Variants in PPFIA2 observed in about 807,000 individuals in gnomAD.
PPFIA2 encodes liprin-alpha-2.
In PPFIA2, 46 loss-of-function variants were observed where a neutral mutation model predicts 175.5. The observed-to-expected ratio is 0.26, with a 90% CI of 0.21 to 0.34. The LOEUF is 0.34. PPFIA2 is among the 10% of genes least tolerant of loss of function. The pLI, the probability that PPFIA2 is intolerant of heterozygous loss-of-function variation, is 1.00. For missense variants in PPFIA2, 1,179 were observed against 1,506.1 expected (o/e 0.78, Z 3.60); for synonymous variants, 568 against 511.4 (o/e 1.11, Z -1.49).
intron 4 of PPFIA2, among the ~76,000 whole-genome samples, chr12:81,581,593 C>T (rs1278892389): frequency 6.6e-6 from 1 of 151,778 alleles, no homozygotes; most frequent in Non-Finnish European, 1.5e-5. Context: ...TATACATCAT[C>T]CTATTTATTT....
intron 22 of PPFIA2, among the ~76,000 whole-genome samples, chr12:81,309,055 G>C (rs1326119288): frequency 6.6e-6 from 1 of 152,056 alleles, no homozygotes; most frequent in Non-Finnish European, 1.5e-5. Flanking sequence ...ACTTAATTTT[G>C]CATCACAGAA....
chr12:81,380,962 C>CTCTG (rs2037515989), intron 9 of PPFIA2, among the ~76,000 whole-genome samples: 2 of 137,502 alleles, frequency 1.5e-5, no homozygotes, highest in African/African-American at 5.5e-5. Flanking sequence ...TTTCACAGTG[C>CTCTG]TGTGTGTGTG....
intron 4 of PPFIA2, among the ~76,000 whole-genome samples, chr12:81,482,743 G>C (rs1222485111): frequency 1.3e-5 from 2 of 152,146 alleles, no homozygotes; most frequent in African/African-American, 2.4e-5. Flanking sequence ...GTCAGCCAGT[G>C]GGGGATAGGG....
At chr12:81,619,693 T>C (rs188097164) in intron 4 of PPFIA2, among the ~76,000 whole-genome samples, 24 of 152,372 alleles carry the variant, frequency 1.6e-4, no homozygotes, top group Admixed American at 5.9e-4. Context: ...CTGGAAATTT[T>C]AGAGTTTCTC....
At chr12:81,603,991 A>G (rs970615524) in intron 4 of PPFIA2, among the ~76,000 whole-genome samples, 10 of 151,742 alleles carry the variant, frequency 6.6e-5, no homozygotes, top group African/African-American at 2.4e-4. Context: ...CTTTGGGGAC[A>G]GGATTATCAG....
intron 22 of PPFIA2, among the ~76,000 whole-genome samples, chr12:81,317,813 C>G (rs570080763): frequency 6.6e-6 from 1 of 151,640 alleles, no homozygotes; most frequent in Non-Finnish European, 1.5e-5. Flanking sequence ...GTTCAGTTCT[C>G]TTCTGAATTT....
chr12:81,624,163 T>C (rs1318217539), intron 4 of PPFIA2, among the ~76,000 whole-genome samples: 1 of 151,788 alleles, frequency 6.6e-6, no homozygotes, highest in Non-Finnish European at 1.5e-5. Flanking sequence ...GTAGTTGGCA[T>C]CTATGTATAT....
At chr12:81,670,778 A>G (rs2071253386) in intron 4 of PPFIA2, among the ~76,000 whole-genome samples, 1 of 151,978 alleles carries the variant, frequency 6.6e-6, no homozygotes. Flanking sequence ...AACTCTCAAC[A>G]TCATGAAACT....
At chr12:81,288,393 C>T (rs986563453) in intron 24 of PPFIA2, among the ~76,000 whole-genome samples, 10 of 151,300 alleles carry the variant, frequency 6.6e-5, no homozygotes, top group Non-Finnish European at 1.0e-4. Context: ...CCCCTTAGTA[C>T]CCATGGAATA....
chr12:81,611,678 C>A (rs1156249215), intron 4 of PPFIA2, among the ~76,000 whole-genome samples: 1 of 152,162 alleles, frequency 6.6e-6, no homozygotes, highest in Non-Finnish European at 1.5e-5. Context: ...CAGCTCTCTT[C>A]TGGCTCAGAA....
At chr12:81,713,059 T>C (rs1363706219) in intron 3 of PPFIA2, among the ~76,000 whole-genome samples, 2 of 151,272 alleles carry the variant, frequency 1.3e-5, no homozygotes, top group African/African-American at 4.8e-5. Context: ...CAATTAAATA[T>C]TATGCCAAAT....
intron 4 of PPFIA2, among the ~76,000 whole-genome samples, chr12:81,675,992 C>T (rs1309266571): frequency 1.3e-5 from 2 of 152,028 alleles, no homozygotes; most frequent in Non-Finnish European, 2.9e-5. Flanking sequence ...TCTCTAACAA[C>T]TCACTGGTGT....
intron 4 of PPFIA2, among the ~76,000 whole-genome samples, chr12:81,603,786 G>A (rs1595510484): frequency 8.2e-6 from 1 of 121,640 alleles, no homozygotes; most frequent in African/African-American, 3.1e-5. Flanking sequence ...ATTTAAGAAA[G>A]TAGAATACCT....
intron 22 of PPFIA2, among the ~76,000 whole-genome samples, chr12:81,317,533 A>G (rs1385020725): frequency 1.3e-5 from 2 of 151,386 alleles, no homozygotes; most frequent in African/African-American, 4.8e-5. Context: ...AATGCAATTG[A>G]CTACATTTGG....
intron 4 of PPFIA2, among the ~76,000 whole-genome samples, chr12:81,490,402 T>C (rs951906181): frequency 2.0e-5 from 3 of 151,938 alleles, no homozygotes; most frequent in African/African-American, 7.2e-5. Flanking sequence ...GTCAGCATCA[T>C]GTTTCTCCTT....
intron 3 of PPFIA2, among the ~76,000 whole-genome samples, chr12:81,711,403 T>G (rs2077895002): frequency 6.6e-6 from 1 of 151,314 alleles, no homozygotes. Flanking sequence ...ATGCCAAGAT[T>G]TTCATGCATT....
In PPFIA2 at chr12:81,336,764, A is replaced by G. The variant is rs1036260304; in HGVS notation, c.2548+2416T>C. 2.6e-5 allele frequency among the ~76,000 whole-genome samples: 4 copies of G among 152,146 alleles called. No homozygotes were observed. In the South Asian group the frequency reaches 6.2e-4, roughly 24 times the overall value. On this transcript the variant is annotated intron_variant, in intron 21 of 32. Coordinates refer to ENST00000549396, the MANE Select transcript of PPFIA2 (RefSeq NM_003625.5). Reference sequence around the variant, plus strand: ...TCAAATTTGGTACTTTGACATCACTATCTCTTTCCCGTAGTTCTTTCCCTG... The same window carrying G: ...TCAAATTTGGTACTTTGACATCACTGTCTCTTTCCCGTAGTTCTTTCCCTG...
At chr12:81,261,927 C>A in intron 32 of PPFIA2, 22 bp downstream of exon 32, 2 of 1,449,188 alleles carry the variant, frequency 1.4e-6, no homozygotes, top group South Asian at 1.3e-5. Context: ...TTTTTTTTGT[C>A]AGCCAAAGGG....
At chr12:81,454,994 A>T (rs2053326384) in intron 5 of PPFIA2, among the ~76,000 whole-genome samples, 1 of 152,152 alleles carries the variant, frequency 6.6e-6, no homozygotes, top group African/African-American at 2.4e-5. Context: ...GGTTACAGGC[A>T]TGTGCCACCA....
Sources: gnomAD v4.1 joint callset for allele counts (sites outside exome capture counted in the v4.1 genomes callset) on GRCh38, gnomAD v4.1.1 for gene constraint, MANE v1.5 for transcripts, NCBI Gene and HGNC (gene_info 2026-07-23, HGNC 2026-07-21) for gene names.